RPS6KC1: variants seen among roughly 807,000 people sequenced by gnomAD.
RPS6KC1 encodes the protein inactive ribosomal protein S6 kinase delta-1.
Under a neutral mutation model 103.8 loss-of-function variants are expected in RPS6KC1, and 54 were observed. The observed-to-expected ratio is 0.52, with a 90% CI of 0.42 to 0.65. The LOEUF (loss-of-function observed/expected upper bound fraction) is 0.65. RPS6KC1 is among the 30% of genes least tolerant of loss of function. The pLI, the probability that RPS6KC1 is intolerant of heterozygous loss-of-function variation, is 0.00. For synonymous variants in RPS6KC1, 439 were observed against 438.7 expected (o/e 1.00, Z -0.01); for missense variants, 1,151 against 1,253.8 (o/e 0.92, Z 1.24).
At chr1:213,828,431 A>C in the RPS6KC1 span, among the ~76,000 whole-genome samples, 1 of 152,226 alleles carries the variant, frequency 6.6e-6, no homozygotes, top group African/African-American at 2.4e-5. Context: ...CTCATATAGC[A>C]AGAATACAGC....
At chr1:213,153,019 C>T (rs1010661209) in intron 6 of RPS6KC1, among the ~76,000 whole-genome samples, 2 of 152,250 alleles carry the variant, frequency 1.3e-5, no homozygotes, top group Non-Finnish European at 2.9e-5. Context: ...TGGTGGATCA[C>T]GTGCGGTTAG....
the RPS6KC1 span, among the ~76,000 whole-genome samples, chr1:213,790,183 G>C: frequency 6.6e-6 from 1 of 152,174 alleles, no homozygotes; most frequent in South Asian, 2.1e-4. Context: ...GGTGGAGGTA[G>C]AGTGGTGGTA....
the RPS6KC1 span, among the ~76,000 whole-genome samples, chr1:213,760,390 C>T: frequency 2.0e-5 from 3 of 152,150 alleles, no homozygotes; most frequent in Admixed American, 6.5e-5. Flanking sequence ...ATGCTGCTGC[C>T]GGTCCCTGCC....
At chr1:213,363,611 TTGCTTGCTTG>T in the RPS6KC1 span, among the ~76,000 whole-genome samples, 7 of 76,798 alleles carry the variant, frequency 9.1e-5, no homozygotes, top group African/African-American at 3.1e-4. Flanking sequence ...GCTCGCTTGC[TTGCTTGCTTG>T]CTTGCTTTCT....
the RPS6KC1 span, among the ~76,000 whole-genome samples, chr1:213,714,737 G>T: frequency 2.6e-5 from 4 of 152,382 alleles, no homozygotes; most frequent in South Asian, 8.3e-4. Context: ...GGCTCTTCTA[G>T]GCAGATTGGC....
At chr1:213,657,779 ATCT>A in the RPS6KC1 span, among the ~76,000 whole-genome samples, 9 of 152,232 alleles carry the variant, frequency 5.9e-5, no homozygotes, top group African/African-American at 2.2e-4. Context: ...CACTAGAGTC[ATCT>A]TCTTAATTTC....
intron 14 of RPS6KC1, among the ~76,000 whole-genome samples, chr1:213,271,160 C>A (rs1212403687): frequency 6.6e-6 from 1 of 151,992 alleles, no homozygotes; most frequent in South Asian, 2.1e-4. Flanking sequence ...TCATTATAGC[C>A]CCAAACTGGA....
the RPS6KC1 span, among the ~76,000 whole-genome samples, chr1:213,407,247 C>T: frequency 4.1e-5 from 6 of 147,982 alleles, no homozygotes; most frequent in South Asian, 4.3e-4. Flanking sequence ...CACACACACA[C>T]GCAGAGAGAG....
chr1:213,704,206 T>A, the RPS6KC1 span, among the ~76,000 whole-genome samples: 1 of 150,880 alleles, frequency 6.6e-6, no homozygotes, highest in Non-Finnish European at 1.5e-5. Context: ...GCTAACACGG[T>A]GAAACCCCGT....
the RPS6KC1 span, among the ~76,000 whole-genome samples, chr1:213,734,975 G>A: frequency 6.6e-6 from 1 of 152,238 alleles, no homozygotes; most frequent in South Asian, 2.1e-4. Flanking sequence ...CCAGGCTGGA[G>A]TGTAGTGGCT....
intron 10 of RPS6KC1, among the ~76,000 whole-genome samples, chr1:213,239,536 T>TTGA (rs143201372): frequency 0.014 from 2,207 of 152,256 alleles, 46 homozygotes; most frequent in African/African-American, 0.05. Flanking sequence ...AGAGGTATTT[T>TTGA]TGATGTTTCC....
chr1:213,283,068 A>G, the RPS6KC1 span, among the ~76,000 whole-genome samples: 1 of 152,288 alleles, frequency 6.6e-6, no homozygotes, highest in African/African-American at 2.4e-5. Context: ...TCTTGGTTAT[A>G]CATTCCTAAG....
chr1:213,406,510 G>T, the RPS6KC1 span, among the ~76,000 whole-genome samples: 3 of 152,302 alleles, frequency 2.0e-5, no homozygotes, highest in Admixed American at 2.0e-4. Flanking sequence ...AAGGTGGGAT[G>T]GGAGGCCCCT....
At chr1:213,263,069 G>A (rs1178458383) in intron 14 of RPS6KC1, among the ~76,000 whole-genome samples, 1 of 152,098 alleles carries the variant, frequency 6.6e-6, no homozygotes, top group Non-Finnish European at 1.5e-5. Context: ...AGTCATTTCT[G>A]TATATTTGTG....
chr1:213,259,734 ATTTTTTT>A (rs71147063), intron 12 of RPS6KC1, among the ~76,000 whole-genome samples: 10 of 97,930 alleles, frequency 1.0e-4, no homozygotes, highest in African/African-American at 2.7e-4. Flanking sequence ...TGTTTTTTTA[ATTTTTTT>A]TTTTTTTTTT....
At chr1:213,796,404 T>G in the RPS6KC1 span, among the ~76,000 whole-genome samples, 1 of 152,152 alleles carries the variant, frequency 6.6e-6, no homozygotes, top group Non-Finnish European at 1.5e-5. Flanking sequence ...CCAAAGTAGG[T>G]TGTCTTGTCT....
the RPS6KC1 span, among the ~76,000 whole-genome samples, chr1:213,674,110 C>T: frequency 6.6e-6 from 1 of 152,072 alleles, no homozygotes; most frequent in Non-Finnish European, 1.5e-5. Flanking sequence ...CCTTGGCTTC[C>T]TAGGGTCAAG....
chr1:213,788,467 G>A, the RPS6KC1 span, among the ~76,000 whole-genome samples: 6 of 151,982 alleles, frequency 3.9e-5, no homozygotes, highest in Non-Finnish European at 5.9e-5. Flanking sequence ...TCTATCATGC[G>A]TTTCTTCTAA....
the RPS6KC1 span, among the ~76,000 whole-genome samples, chr1:213,698,011 C>T: frequency 1.3e-5 from 2 of 152,144 alleles, no homozygotes; most frequent in Non-Finnish European, 2.9e-5. Context: ...TTCTACATTG[C>T]CAGACTAACA....
Sources: gnomAD v4.1 joint callset for allele counts (sites outside exome capture counted in the v4.1 genomes callset) on GRCh38, gnomAD v4.1.1 for gene constraint, MANE v1.5 for transcripts, NCBI Gene and HGNC (gene_info 2026-07-23, HGNC 2026-07-21) for gene names.